Variants in FAM149B1 observed in about 807,000 individuals in gnomAD.
FAM149B1 encodes primary cilium assembly protein FAM149B1.
Under a neutral mutation model 75.3 loss-of-function variants are expected in FAM149B1, and 56 were observed. The ratio of observed to expected loss-of-function variants is 0.74; its 90% CI spans 0.60 to 0.93. The LOEUF (loss-of-function observed/expected upper bound fraction) is 0.93. FAM149B1 is among the 40% of genes least tolerant of loss of function. The pLI is 0.00. For missense variants in FAM149B1, 639 were observed against 708.4 expected, an observed-to-expected ratio of 0.90 and a Z score of 1.11; for synonymous variants, 259 against 256.1, an observed-to-expected ratio of 1.01 and a Z score of -0.11.
chr10:73,179,855 A>G (rs1384568353), intron 3 of FAM149B1, among the ~76,000 whole-genome samples: 1 of 151,588 alleles, frequency 6.6e-6, no homozygotes, highest in Non-Finnish European at 1.5e-5. Flanking sequence ...GACATTTACT[A>G]CTCCACACTG....
chr10:73,218,682 ATACTC>A (rs779213325), intron 7 of FAM149B1, among the ~76,000 whole-genome samples: 8 of 152,248 alleles, frequency 5.3e-5, no homozygotes, highest in Admixed American at 6.5e-5. Flanking sequence ...GTGTGAGTGA[ATACTC>A]TAATCTTTTG....
At chr10:73,228,815 C>T (rs1303480999) in intron 8 of FAM149B1, among the ~76,000 whole-genome samples, 1 of 152,184 alleles carries the variant, frequency 6.6e-6, no homozygotes, top group East Asian at 1.9e-4. Flanking sequence ...AGGCCCGTCT[C>T]GAACTCCTGG....
chr10:73,193,613 A>G lies in FAM149B1; in HGVS notation c.542+20A>G, dbSNP rs1185093976. 5.2e-6 allele frequency: 8 copies of G among 1,548,042 alleles called. No individual in the cohort carries two copies. The highest frequency in any genetic ancestry group is 7.0e-6 in the Non-Finnish European group (8 of 1,145,586). On this transcript the variant is annotated intron_variant, in intron 5 of 13. Coordinates refer to ENST00000242505, the MANE Select transcript of FAM149B1 (RefSeq NM_173348.2). Reference sequence around the variant, plus strand: ...TACTATGTGAGTATTCCATTATGTAAGTACTTCAATGTGCCCTAATATGCA... The same window carrying G: ...TACTATGTGAGTATTCCATTATGTAGGTACTTCAATGTGCCCTAATATGCA...
At chr10:73,229,123 G>T (rs1391116524) in intron 8 of FAM149B1, among the ~76,000 whole-genome samples, 1 of 152,182 alleles carries the variant, frequency 6.6e-6, no homozygotes, top group Non-Finnish European at 1.5e-5. Context: ...GCTATTTCAA[G>T]TGAGTCTGAA....
intron 3 of FAM149B1, among the ~76,000 whole-genome samples, chr10:73,178,496 A>G (rs1004943787): frequency 2.6e-5 from 4 of 152,110 alleles, no homozygotes; most frequent in Non-Finnish European, 5.9e-5. Context: ...TCTCAAAAAA[A>G]AAAAAACAAC....
At chr10:73,184,597 A>G (rs1272591693) in intron 3 of FAM149B1, among the ~76,000 whole-genome samples, 1 of 152,244 alleles carries the variant, frequency 6.6e-6, no homozygotes, top group Non-Finnish European at 1.5e-5. Flanking sequence ...CCACCTTGGA[A>G]TTAAATTATA....
intron 3 of FAM149B1, among the ~76,000 whole-genome samples, chr10:73,179,533 C>G (rs1016431338): frequency 2.6e-5 from 4 of 151,882 alleles, no homozygotes; most frequent in African/African-American, 9.7e-5. Flanking sequence ...CCTGCCTCAG[C>G]CTCCTGAGTA....
At chr10:73,190,206 TAAGA>T (rs1456503713) in intron 3 of FAM149B1, among the ~76,000 whole-genome samples, 1 of 150,112 alleles carries the variant, frequency 6.7e-6, no homozygotes, top group East Asian at 1.9e-4. Context: ...TTTTAGAGAA[TAAGA>T]AAGAGGCAAT....
At chr10:73,210,745 C>T (rs1344632092) in intron 7 of FAM149B1, among the ~76,000 whole-genome samples, 1 of 151,996 alleles carries the variant, frequency 6.6e-6, no homozygotes, top group Non-Finnish European at 1.5e-5. Context: ...ATCACTTGAG[C>T]CCAGGAGGTC....
At position 73,192,835 on chromosome 10, in the gene FAM149B1, G is replaced by C. The variant is rs982516899; in HGVS notation, c.425+137G>C. 4 of 783,012 alleles carry C rather than the reference G, an allele frequency of 5.1e-6. No homozygotes were observed. The African/African-American group carries it at 7.3e-5, about 14-fold the overall frequency. 48.5% of individuals were successfully genotyped at this position (783,012 alleles called of 1,614,324 possible). On this transcript the variant is annotated intron_variant, in intron 4 of 13. Coordinates refer to ENST00000242505, the MANE Select transcript of FAM149B1 (RefSeq NM_173348.2). Reference sequence around the variant, plus strand: ...TGTAAATAAGGCCATGTGGTATAAAGCCTTGGCTAAGAGAAAACTTAAGTT... The same window carrying C: ...TGTAAATAAGGCCATGTGGTATAAACCCTTGGCTAAGAGAAAACTTAAGTT...
chr10:73,197,536 G>A (rs2042834897), intron 5 of FAM149B1, among the ~76,000 whole-genome samples: 1 of 152,130 alleles, frequency 6.6e-6, no homozygotes, highest in Non-Finnish European at 1.5e-5. Context: ...CTAGGAGGCT[G>A]AGGCGGGTGG....
At chr10:73,196,738 A>G (rs1026456666) in intron 5 of FAM149B1, among the ~76,000 whole-genome samples, 3 of 152,176 alleles carry the variant, frequency 2.0e-5, no homozygotes, top group Non-Finnish European at 4.4e-5. Flanking sequence ...GTCTAAAATT[A>G]TATTATCAGC....
intron 7 of FAM149B1, among the ~76,000 whole-genome samples, chr10:73,221,453 T>C (rs2043412989): frequency 6.6e-6 from 1 of 152,218 alleles, no homozygotes; most frequent in Non-Finnish European, 1.5e-5. Flanking sequence ...TGCCTTCTAG[T>C]ACTTTTAAAA....
intron 5 of FAM149B1, chr10:73,200,935 G>A (rs998373334): frequency 4.3e-6 from 2 of 460,944 alleles, no homozygotes; most frequent in Non-Finnish European, 8.6e-6. Flanking sequence ...GGACCAGAAG[G>A]AGAGAGATAC....
Position 73,168,230 on chromosome 10 carries a change from C to T in FAM149B1, c.-110C>T. On this transcript the variant is annotated 5_prime_UTR_variant, in exon 1 of 14. Transcript: ENST00000242505. Reference sequence around the variant, plus strand: ...GGGGCGAGACGGGGCCGGTAGGTGGCGGGAGGGGCCGGGCCGGAGCCGGCG... The same window carrying T: ...GGGGCGAGACGGGGCCGGTAGGTGGTGGGAGGGGCCGGGCCGGAGCCGGCG... 3 of 1,197,412 alleles carry T rather than the reference C, an allele frequency of 2.5e-6. No homozygotes were observed. Among genetic ancestry groups the T allele is most frequent in the Non-Finnish European group, 3.5e-6 (3 of 868,632 alleles). 74.2% of individuals were successfully genotyped at this position (1,197,412 alleles called of 1,614,324 possible). A position where few individuals can be genotyped will look rare whatever the true frequency, so the allele number is the denominator to read the frequency against.
chr10:73,212,576 G>A (rs1451002221), intron 7 of FAM149B1, among the ~76,000 whole-genome samples: 3 of 151,864 alleles, frequency 2.0e-5, no homozygotes, highest in Admixed American at 2.0e-4. Context: ...GCGCCTGGCT[G>A]TAAATATTTT....
intron 5 of FAM149B1, among the ~76,000 whole-genome samples, chr10:73,205,365 C>T (rs1207540762): frequency 6.6e-6 from 1 of 151,962 alleles, no homozygotes; most frequent in Non-Finnish European, 1.5e-5. Context: ...CTTTCTTCTG[C>T]TCTGGTCGTG....
chr10:73,227,727 T>C (rs1476965111), intron 7 of FAM149B1, among the ~76,000 whole-genome samples: 1 of 152,130 alleles, frequency 6.6e-6, no homozygotes, highest in African/African-American at 2.4e-5. Flanking sequence ...GAGTGCTCTA[T>C]AGCTATAGGA....
intron 5 of FAM149B1, among the ~76,000 whole-genome samples, chr10:73,199,197 T>TG (rs1554856999): frequency 3.4e-5 from 5 of 146,454 alleles, no homozygotes; most frequent in African/African-American, 1.3e-4. Context: ...GTTATCCTTT[T>TG]TTGTTGTTGT....
Sources: allele counts gnomAD v4.1 joint callset (sites outside exome capture counted in the v4.1 genomes callset), GRCh38; gene constraint gnomAD v4.1.1; transcripts MANE v1.5; gene names NCBI Gene and HGNC (gene_info 2026-07-23, HGNC 2026-07-21).